Variants in RFX3 observed in about 807,000 individuals in gnomAD.
RFX3 encodes the protein regulatory factor X3.
Under a neutral mutation model 98.6 loss-of-function variants are expected in RFX3, and 14 were observed. The ratio of observed to expected loss-of-function variants is 0.14; its 90% CI spans 0.09 to 0.22. RFX3 has a LOEUF of 0.22. Ranked by LOEUF, RFX3 falls within the 10% of genes least tolerant of loss-of-function variation. The pLI, the probability that RFX3 is intolerant of heterozygous loss-of-function variation, is 1.00. For synonymous variants in RFX3, 383 were observed against 328.4 expected, an observed-to-expected ratio of 1.17 and a Z score of -1.80; for missense variants, 639 against 926.9, an observed-to-expected ratio of 0.69 and a Z score of 4.03.
chr9:3,478,142 C>T (rs1034940060), intron 1 of RFX3, among the ~76,000 whole-genome samples: 1 of 152,086 alleles, frequency 6.6e-6, no homozygotes, highest in Non-Finnish European at 1.5e-5. Flanking sequence ...TAGGCTCCCA[C>T]AGGGACTTTT....
chr9:3,248,025 C>T lies in RFX3; in HGVS notation c.1968+7G>A, dbSNP rs545135791. The T allele has an allele frequency of 1.4e-4, 220 of 1,614,042 alleles. 4 individuals carry two copies. In the South Asian group the frequency reaches 2.3e-3, roughly 17 times the overall value. ...CAGTGGGTCACAGCTCTTTCAGCCT[C>T]TCTTACCTCGCCCATGACTGCTATA... On this transcript the variant is annotated splice_region_variant and intron_variant, in intron 15 of 16. Coordinates refer to ENST00000617270, the MANE Select transcript of RFX3 (RefSeq NM_001282116.2).
chr9:3,497,067 C>A (rs1441278879), intron 1 of RFX3, among the ~76,000 whole-genome samples: 1 of 151,984 alleles, frequency 6.6e-6, no homozygotes, highest in Admixed American at 6.6e-5. Flanking sequence ...GTGTTTGTGT[C>A]TTCAAGAGTG....
intron 1 of RFX3, among the ~76,000 whole-genome samples, chr9:3,463,011 A>G (rs560914250): frequency 6.6e-6 from 1 of 152,270 alleles, no homozygotes; most frequent in Non-Finnish European, 1.5e-5. Context: ...TACAGAGTCA[A>G]TGCAATTCCA....
intron 1 of RFX3, among the ~76,000 whole-genome samples, chr9:3,522,319 G>A (rs1376988760): frequency 1.3e-5 from 2 of 152,096 alleles, no homozygotes; most frequent in South Asian, 2.1e-4. Context: ...TGGCCACTGG[G>A]AATATATACC....
chr9:3,443,851 A>G (rs1359281492), intron 1 of RFX3, among the ~76,000 whole-genome samples: 1 of 152,170 alleles, frequency 6.6e-6, no homozygotes, highest in Non-Finnish European at 1.5e-5. Context: ...TTTTCTCCGC[A>G]ACCTTGCCAG....
intron 1 of RFX3, among the ~76,000 whole-genome samples, chr9:3,493,286 G>C (rs1754262218): frequency 6.6e-6 from 1 of 152,064 alleles, no homozygotes; most frequent in Non-Finnish European, 1.5e-5. Context: ...GATTGAGAGA[G>C]GTTCCCCTGA....
intron 1 of RFX3, among the ~76,000 whole-genome samples, chr9:3,417,961 C>T (rs1193014504): frequency 6.6e-6 from 1 of 152,146 alleles, no homozygotes; most frequent in African/African-American, 2.4e-5. Flanking sequence ...TGCCTATTTT[C>T]ACCTAATAAA....
At chr9:3,358,818 C>T (rs1425177593) in intron 2 of RFX3, among the ~76,000 whole-genome samples, 2 of 152,004 alleles carry the variant, frequency 1.3e-5, no homozygotes, top group Non-Finnish European at 2.9e-5. Context: ...GAAGCAAACA[C>T]AAGTCCTTCT....
At chr9:3,277,533 C>G in intron 7 of RFX3, 72 bp from the exon 8 acceptor site, 1 of 1,331,346 alleles carries the variant, frequency 7.5e-7, no homozygotes, top group Non-Finnish European at 1.1e-6. Flanking sequence ...CCGAAACTCC[C>G]AAAGCATTCA....
intron 1 of RFX3, among the ~76,000 whole-genome samples, chr9:3,518,008 G>T (rs550612972): frequency 6.6e-6 from 1 of 152,200 alleles, no homozygotes; most frequent in African/African-American, 2.4e-5. Flanking sequence ...CCTTTTCTAC[G>T]TTTAGATATG....
At chr9:3,385,270 CA>C (rs954305665) in intron 2 of RFX3, among the ~76,000 whole-genome samples, 1 of 151,448 alleles carries the variant, frequency 6.6e-6, no homozygotes, top group Non-Finnish European at 1.5e-5. Flanking sequence ...ATTTTCCCAG[CA>C]AAAAAAGAAC....
At chr9:3,309,358 T>A (rs1331193293) in intron 4 of RFX3, among the ~76,000 whole-genome samples, 2 of 152,144 alleles carry the variant, frequency 1.3e-5, no homozygotes, top group East Asian at 1.9e-4. Context: ...TATTATCTCC[T>A]GGGAGACAGA....
chr9:3,410,909 T>A (rs1386744969), intron 1 of RFX3, among the ~76,000 whole-genome samples: 1 of 152,178 alleles, frequency 6.6e-6, no homozygotes, highest in Non-Finnish European at 1.5e-5. Context: ...ATGCCTAATT[T>A]ACATAAAAGC....
chr9:3,474,805 C>G (rs75494075), intron 1 of RFX3, among the ~76,000 whole-genome samples: 15,495 of 152,138 alleles, frequency 0.1, 2,225 homozygotes, highest in African/African-American at 0.32. Context: ...CAGAAAATGA[C>G]CAAACTAGCA....
At chr9:3,501,466 ATTTT>A (rs1418800625) in intron 1 of RFX3, among the ~76,000 whole-genome samples, 9 of 150,980 alleles carry the variant, frequency 6.0e-5, no homozygotes, top group African/African-American at 2.2e-4. Flanking sequence ...CTATTTCCTT[ATTTT>A]GTTTCTTCAA....
chr9:3,344,342 G>C (rs1186361478), intron 3 of RFX3, among the ~76,000 whole-genome samples: 1 of 152,078 alleles, frequency 6.6e-6, no homozygotes, highest in East Asian at 1.9e-4. Context: ...TGAAATATTT[G>C]CATTATATAC....
intron 2 of RFX3, among the ~76,000 whole-genome samples, chr9:3,377,002 T>A (rs1007832920): frequency 2.0e-5 from 3 of 152,226 alleles, no homozygotes; most frequent in Admixed American, 6.5e-5. Flanking sequence ...GGTGGGACTG[T>A]AAGCTAGTTC....
At chr9:3,410,622 C>A (rs936467227) in intron 1 of RFX3, among the ~76,000 whole-genome samples, 1 of 152,124 alleles carries the variant, frequency 6.6e-6, no homozygotes, top group African/African-American at 2.4e-5. Context: ...GTTTGTGTAA[C>A]AGCTTTTACA....
chr9:3,333,868 T>C (rs1189961748), intron 3 of RFX3, among the ~76,000 whole-genome samples: 1 of 152,210 alleles, frequency 6.6e-6, no homozygotes, highest in Non-Finnish European at 1.5e-5. Flanking sequence ...TAATATTTAC[T>C]GACCATTTAC....
Sources: gnomAD v4.1 joint callset for allele counts (sites outside exome capture counted in the v4.1 genomes callset) on GRCh38, gnomAD v4.1.1 for gene constraint, MANE v1.5 for transcripts, NCBI Gene and HGNC (gene_info 2026-07-23, HGNC 2026-07-21) for gene names.